Variants in CELF2 observed in about 807,000 individuals in gnomAD.
The protein encoded by CELF2 is CUG triplet repeat RNA-binding protein 2.
In CELF2, 8 loss-of-function variants were observed where a neutral mutation model predicts 62.6. That is an observed-to-expected ratio of 0.13 (90% CI 0.07 to 0.23). The LOEUF (loss-of-function observed/expected upper bound fraction) is 0.23. CELF2 is among the 10% of genes least tolerant of loss of function. The probability of loss-of-function intolerance (pLI) is 1.00; values close to 1 mark genes in which losing one functional copy is unlikely to be tolerated. For synonymous variants in CELF2, 258 were observed against 250.0 expected, an observed-to-expected ratio of 1.03 and a Z score of -0.30; for missense variants, 333 against 671.0, an observed-to-expected ratio of 0.50 and a Z score of 5.56.
intron 2 of CELF2, among the ~76,000 whole-genome samples, chr10:11,215,828 T>C (rs956190502): frequency 1.3e-5 from 2 of 152,206 alleles, no homozygotes; most frequent in African/African-American, 4.8e-5. Flanking sequence ...GGGATGTTAG[T>C]TTCCTTTTGG....
chr10:11,319,168 C>G lies in CELF2; in HGVS notation c.1097-2021C>G, dbSNP rs1301949009. On this transcript the variant is annotated intron_variant, in intron 10 of 12. Coordinates refer to ENST00000633077, the MANE Select transcript of CELF2 (RefSeq NM_001326342.2). The surrounding 1 kb of genome is among the most constrained non-coding windows in gnomAD (Gnocchi z 4.4). The stretch of plus-strand genomic sequence containing the variant: ...GCATCTGCATTTCCAGAGGACTGTG[C>G]CCAGAGTGCGATCATCTGTAATCCA... 1 of 460,284 alleles carries G rather than the reference C, an allele frequency of 2.2e-6. No individual in the cohort carries two copies. The highest frequency in any genetic ancestry group is 4.5e-6 in the Non-Finnish European group (1 of 222,462). 28.5% of individuals were successfully genotyped at this position (460,284 alleles called of 1,614,324 possible).
chr10:11,050,783 C>T (rs1226564984), intron 1 of CELF2, among the ~76,000 whole-genome samples: 1 of 152,166 alleles, frequency 6.6e-6, no homozygotes, highest in Non-Finnish European at 1.5e-5. Context: ...GGGGTTGTGC[C>T]TCTTCTCACA....
chr10:11,014,413 G>A (rs2056939160), upstream of CELF2, among the ~76,000 whole-genome samples: 1 of 152,188 alleles, frequency 6.6e-6, no homozygotes, highest in Admixed American at 6.5e-5. Flanking sequence ...AAAATTAACT[G>A]TTGGGTTATA....
In CELF2 at chr10:10,926,984, C is replaced by G. The variant is rs192056063; in HGVS notation, c.89+6985C>G. Reference sequence around the variant, plus strand: ...ACATCAAGCCCTCCAGGTTTCCCTCCTCTCTTGCTGGCCATTCTTCATCAG... The same window carrying G: ...ACATCAAGCCCTCCAGGTTTCCCTCGTCTCTTGCTGGCCATTCTTCATCAG... On this transcript the variant is annotated intron_variant, in intron 2 of 13. Transcript: ENST00000636488. 7.9e-5 allele frequency: 12 copies of G among 152,360 alleles called. No homozygotes were observed. In the East Asian group the frequency reaches 2.3e-3, roughly 29 times the overall value. 9.4% of individuals were successfully genotyped at this position (152,360 alleles called of 1,614,324 possible). A position where few individuals can be genotyped will look rare whatever the true frequency, so the allele number is the denominator to read the frequency against.
In CELF2 at chr10:11,115,362, C is replaced by T. The variant is rs182303251; in HGVS notation, c.75-50124C>T. Reference sequence around the variant, plus strand: ...TGCTACAGGCGTTTAACATACTTTTCTTGGATTGTTGAAAAGGGGAAAGGA... The same window carrying T: ...TGCTACAGGCGTTTAACATACTTTTTTTGGATTGTTGAAAAGGGGAAAGGA... On this transcript the variant is annotated intron_variant, in intron 1 of 12. Coordinates refer to ENST00000633077, the MANE Select transcript of CELF2 (RefSeq NM_001326342.2). Among the ~76,000 whole-genome samples the T allele has an allele frequency of 8.8e-4, 134 of 152,198 alleles. 2 individuals carry two copies. Among genetic ancestry groups the T allele is most frequent in the Non-Finnish European group, 1.5e-3 (100 of 68,002 alleles).
At chr10:11,141,107 G>C (rs1225638193) in intron 1 of CELF2, among the ~76,000 whole-genome samples, 3 of 152,230 alleles carry the variant, frequency 2.0e-5, no homozygotes, top group African/African-American at 7.2e-5. Context: ...GCCGGGCGCT[G>C]TGCTCAGGTC....
At chr10:11,232,319 C>T (rs2069043958) in intron 3 of CELF2, among the ~76,000 whole-genome samples, 1 of 152,196 alleles carries the variant, frequency 6.6e-6, no homozygotes, top group African/African-American at 2.4e-5. Context: ...TAAAAAATAG[C>T]TTCTATCTCT....
At chr10:11,131,471 C>G (rs1469588456) in intron 1 of CELF2, among the ~76,000 whole-genome samples, 1 of 152,222 alleles carries the variant, frequency 6.6e-6, no homozygotes, top group Non-Finnish European at 1.5e-5. Context: ...TAAACCTGTT[C>G]TGAAAGCTGA....
chr10:11,243,316 T>C lies in CELF2; in HGVS notation c.355-5837T>C, dbSNP rs1489676222. Among the ~76,000 whole-genome samples, 1 of 151,212 alleles carries C rather than the reference T, an allele frequency of 6.6e-6. No individual in the cohort carries two copies. The highest frequency in any genetic ancestry group is 1.5e-5 in the Non-Finnish European group (1 of 67,928). On this transcript the variant is annotated intron_variant, in intron 3 of 12. Transcript: ENST00000633077. This position sits in a 1 kb window ranked among gnomAD's most constrained non-coding sequence, Gnocchi z 4.1. ...ATAGGGCTAAATAGAGACCAAGAAG[T>C]TAACCATGTACCTTAACGTGCGGCT... is the stretch of plus-strand genomic sequence containing the variant.
rs144046222 is a variant in CELF2 at position 11,260,493 on chromosome 10, G to T, written c.538+2621G>T. ...GCAGGACACGCAGTACTTAACAAGAGAACTTAGCTAATTTGATCTGCCATT... is the reference window on the plus strand; with the variant it reads ...GCAGGACACGCAGTACTTAACAAGATAACTTAGCTAATTTGATCTGCCATT... On this transcript the variant is annotated intron_variant, in intron 5 of 12. Transcript: ENST00000633077. The surrounding 1 kb of genome is among the most constrained non-coding windows in gnomAD (Gnocchi z 4.2). Among the ~76,000 whole-genome samples the T allele has an allele frequency of 3.5e-3, 529 of 152,306 alleles. 2 individuals are homozygous for T. Among genetic ancestry groups the T allele is most frequent in the African/African-American group, 0.012 (484 of 41,576 alleles).
chr10:11,179,482 C>A (rs1385287341), intron 2 of CELF2, among the ~76,000 whole-genome samples: 2 of 152,180 alleles, frequency 1.3e-5, no homozygotes, highest in Non-Finnish European at 2.9e-5. Context: ...TGAAAAGTAG[C>A]TGCAGATTGA....
intron 1 of CELF2, among the ~76,000 whole-genome samples, chr10:10,895,028 T>A (rs1215051970): frequency 2.0e-5 from 3 of 152,148 alleles, no homozygotes; most frequent in Admixed American, 2.0e-4. Context: ...CTGTACTGAG[T>A]GATATCACAT....
At chr10:10,636,450 A>C in the CELF2 span, among the ~76,000 whole-genome samples, 1 of 152,196 alleles carries the variant, frequency 6.6e-6, no homozygotes, top group Non-Finnish European at 1.5e-5. Flanking sequence ...CATTTCTGTT[A>C]TGTTAATGCT....
chr10:10,727,943 G>T, the CELF2 span, among the ~76,000 whole-genome samples: 1 of 152,048 alleles, frequency 6.6e-6, no homozygotes, highest in East Asian at 1.9e-4. Flanking sequence ...GGGACACAAA[G>T]ATGAATAAGA....
chr10:11,192,925 C>T (rs374879642), intron 2 of CELF2, among the ~76,000 whole-genome samples: 2 of 152,188 alleles, frequency 1.3e-5, no homozygotes, highest in African/African-American at 2.4e-5. Flanking sequence ...CTGGACGTTG[C>T]GAGAGTGCTC....
At chr10:11,130,196 T>C (rs2059405632) in intron 1 of CELF2, among the ~76,000 whole-genome samples, 1 of 152,242 alleles carries the variant, frequency 6.6e-6, no homozygotes, top group African/African-American at 2.4e-5. Flanking sequence ...AGTGAGTTTC[T>C]TAATCCTGAG....
chr10:11,260,552 G>A lies in CELF2; in HGVS notation c.538+2680G>A, dbSNP rs1430050270. ...TAACCAGCACTTGACACCAGAAGCA[G>A]CCTGTTCCTGCAACAAGTGATGGGG... On this transcript the variant is annotated intron_variant, in intron 5 of 12. Coordinates refer to ENST00000633077, the MANE Select transcript of CELF2 (RefSeq NM_001326342.2). The surrounding 1 kb of genome is among the most constrained non-coding windows in gnomAD (Gnocchi z 4.2). Among the ~76,000 whole-genome samples the A allele has an allele frequency of 6.6e-6, 1 of 152,146 alleles. No individual in the cohort carries two copies. Among genetic ancestry groups the A allele is most frequent in the Non-Finnish European group, 1.5e-5 (1 of 68,038 alleles).
chr10:10,472,522 G>T, the CELF2 span, among the ~76,000 whole-genome samples: 37 of 151,666 alleles, frequency 2.4e-4, no homozygotes, highest in African/African-American at 7.0e-4. Flanking sequence ...TGCTGTTAAG[G>T]TTTTGTCTGC....
At chr10:10,945,501 C>A (rs1473540399) in intron 2 of CELF2, among the ~76,000 whole-genome samples, 2 of 152,234 alleles carry the variant, frequency 1.3e-5, no homozygotes, top group Non-Finnish European at 2.9e-5. Flanking sequence ...GTTTACACCA[C>A]ACTGTGTGTC....
Sources: allele counts gnomAD v4.1 joint callset (sites outside exome capture counted in the v4.1 genomes callset), GRCh38; gene constraint gnomAD v4.1.1; non-coding constraint Gnocchi (gnomAD v3.1); transcripts MANE v1.5; gene names NCBI Gene and HGNC (gene_info 2026-07-23, HGNC 2026-07-21).